The following RIMS1 variants were observed in gnomAD, a reference collection of about 807,000 sequenced individuals.
RIMS1 encodes the protein regulating synaptic membrane exocytosis protein 1.
A neutral mutation model predicts 214.1 loss-of-function variants in RIMS1; 83 were observed. The ratio of observed to expected loss-of-function variants is 0.39; its 90% CI spans 0.32 to 0.47. The LOEUF (loss-of-function observed/expected upper bound fraction) is 0.47. Ranked by LOEUF, RIMS1 falls within the 20% of genes least tolerant of loss-of-function variation. The pLI is 0.99. For synonymous variants in RIMS1, 793 were observed against 786.8 expected (o/e 1.01, Z -0.13); for missense variants, 2,050 against 2,161.8 (o/e 0.95, Z 1.03).
At chr6:72,312,294 C>A (rs985574402) in intron 27 of RIMS1, among the ~76,000 whole-genome samples, 1 of 151,912 alleles carries the variant, frequency 6.6e-6, no homozygotes, top group African/African-American at 2.4e-5. Flanking sequence ...AAACAAACAC[C>A]CATATGTTAT....
At chr6:72,397,321 A>T (rs1320397064) in intron 31 of RIMS1, among the ~76,000 whole-genome samples, 1 of 152,216 alleles carries the variant, frequency 6.6e-6, no homozygotes, top group Admixed American at 6.5e-5. Context: ...GTATCAAACT[A>T]TACATGGGCT....
intron 29 of RIMS1, chr6:72,366,887 T>A (rs1232620157): frequency 1.0e-6 from 1 of 974,062 alleles, no homozygotes; most frequent in East Asian, 1.1e-4. Flanking sequence ...GTTCCTTATA[T>A]GTATTTACTA....
intron 1 of RIMS1, among the ~76,000 whole-genome samples, chr6:71,922,321 C>A (rs1023061409): frequency 6.6e-6 from 1 of 152,174 alleles, no homozygotes; most frequent in Non-Finnish European, 1.5e-5. Context: ...TGCTCTTCCC[C>A]TCTCCTCTCA....
intron 1 of RIMS1, among the ~76,000 whole-genome samples, chr6:71,906,186 C>A (rs1775193188): frequency 6.6e-6 from 1 of 152,136 alleles, no homozygotes; most frequent in African/African-American, 2.4e-5. Context: ...TGGCTTCTAT[C>A]TTGGAGAAGG....
intron 6 of RIMS1, among the ~76,000 whole-genome samples, chr6:72,205,318 A>G (rs998673278): frequency 3.3e-5 from 5 of 152,194 alleles, no homozygotes; most frequent in Non-Finnish European, 7.4e-5. Context: ...GTGAAACACA[A>G]AACAGGTTAG....
rs553898247 is a variant in RIMS1 at position 71,957,382 on chromosome 6, T to C, written c.165-11601T>C. On this transcript the variant is annotated intron_variant, in intron 1 of 33. Transcript: ENST00000521978. ...ATAAAGGCAGATTTCAGTAAACATTTTTAAAATAATATTCCAATAGTAAGG... is the reference window on the plus strand; with the variant it reads ...ATAAAGGCAGATTTCAGTAAACATTCTTAAAATAATATTCCAATAGTAAGG... 6.6e-5 allele frequency among the ~76,000 whole-genome samples: 10 copies of C among 152,314 alleles called. No individual in the cohort carries two copies. In the South Asian group the frequency reaches 2.1e-3, roughly 32 times the overall value.
chr6:71,984,796 T>C (rs1202297994), intron 2 of RIMS1, among the ~76,000 whole-genome samples: 30 of 152,032 alleles, frequency 2.0e-4, no homozygotes, highest in African/African-American at 7.0e-4. Context: ...TATCTATCTA[T>C]CTATCTATCT....
At chr6:72,345,867 T>C (rs9446623) in intron 29 of RIMS1, among the ~76,000 whole-genome samples, 2,660 of 151,732 alleles carry the variant, frequency 0.018, 78 homozygotes, top group African/African-American at 0.062. Context: ...AGGGTGGTTG[T>C]TGGGAAAGGA....
At chr6:71,964,732 G>A (rs757764017) in intron 1 of RIMS1, among the ~76,000 whole-genome samples, 4 of 152,236 alleles carry the variant, frequency 2.6e-5, no homozygotes, top group Middle Eastern at 3.4e-3. Flanking sequence ...ATTTTGAGAG[G>A]TCTGTTAAAT....
intron 1 of RIMS1, among the ~76,000 whole-genome samples, chr6:71,955,389 A>G (rs1345883816): frequency 6.6e-6 from 1 of 152,000 alleles, no homozygotes; most frequent in Non-Finnish European, 1.5e-5. Flanking sequence ...GTGGTCTCGA[A>G]CTCCTGACCT....
At chr6:72,368,642 G>A (rs1195462163) in intron 29 of RIMS1, among the ~76,000 whole-genome samples, 3 of 152,128 alleles carry the variant, frequency 2.0e-5, no homozygotes, top group South Asian at 2.1e-4. Flanking sequence ...ATGAAGATGC[G>A]GTAAGCACGA....
chr6:72,195,792 A>T (rs965677856), intron 6 of RIMS1, among the ~76,000 whole-genome samples: 3 of 152,102 alleles, frequency 2.0e-5, no homozygotes, highest in Non-Finnish European at 2.9e-5. Context: ...CCTAAGACTG[A>T]GTAATTTATA....
intron 2 of RIMS1, among the ~76,000 whole-genome samples, chr6:72,037,732 C>G (rs964185039): frequency 8.6e-5 from 13 of 151,832 alleles, no homozygotes; most frequent in Non-Finnish European, 1.8e-4. Flanking sequence ...TAAGGCAGTG[C>G]TTTTGCTGGT....
chr6:72,345,574 A>G (rs1467092338), intron 29 of RIMS1, among the ~76,000 whole-genome samples: 1 of 151,864 alleles, frequency 6.6e-6, no homozygotes, highest in African/African-American at 2.4e-5. Context: ...ATTCCGTTCC[A>G]ACTGTATGTT....
At chr6:72,285,507 T>C (rs75626708) in intron 24 of RIMS1, among the ~76,000 whole-genome samples, 1,703 of 152,272 alleles carry the variant, frequency 0.011, 10 homozygotes, top group Non-Finnish European at 0.017. Context: ...ATGTGGTATG[T>C]AAAAGGGAGA....
intron 4 of RIMS1, among the ~76,000 whole-genome samples, chr6:72,158,556 G>A (rs6453574): frequency 0.86 from 79,190 of 91,956 alleles, 34,691 homozygotes; most frequent in East Asian, 0.99. Flanking sequence ...CTATCCCTCC[G>A]CCCTCCCCCC....
chr6:72,207,251 A>G (rs1470617561), intron 6 of RIMS1, among the ~76,000 whole-genome samples: 1 of 152,216 alleles, frequency 6.6e-6, no homozygotes, highest in Non-Finnish European at 1.5e-5. Context: ...CTTCTCACAT[A>G]GAGAGGACAA....
intron 4 of RIMS1, chr6:72,179,367 C>G: frequency 1.7e-6 from 1 of 601,086 alleles, no homozygotes; most frequent in East Asian, 3.0e-5. Flanking sequence ...ACTCTGGCTG[C>G]TGAGAGGCTC....
At chr6:71,934,445 C>G (rs900746493) in intron 1 of RIMS1, among the ~76,000 whole-genome samples, 1 of 152,170 alleles carries the variant, frequency 6.6e-6, no homozygotes, top group Non-Finnish European at 1.5e-5. Context: ...TTACCCTGCT[C>G]GTCACTGTAA....
Sources: gnomAD v4.1 joint callset for allele counts (sites outside exome capture counted in the v4.1 genomes callset) on GRCh38, gnomAD v4.1.1 for gene constraint, MANE v1.5 for transcripts, NCBI Gene and HGNC (gene_info 2026-07-23, HGNC 2026-07-21) for gene names.